Variants in ZNF330 observed in about 807,000 individuals in gnomAD.
ZNF330 encodes the protein zinc finger protein 330.
In ZNF330, 31 loss-of-function variants were observed where a neutral mutation model predicts 45.5. That is an observed-to-expected ratio of 0.68 (90% CI 0.51 to 0.92). ZNF330 has a LOEUF of 0.92. ZNF330 is among the 40% of genes least tolerant of loss of function. The probability of loss-of-function intolerance (pLI) is 0.00; values close to 1 mark genes in which losing one functional copy is unlikely to be tolerated. For synonymous variants in ZNF330, 138 were observed against 123.2 expected, an observed-to-expected ratio of 1.12 and a Z score of -0.79; for missense variants, 356 against 387.4, an observed-to-expected ratio of 0.92 and a Z score of 0.68.
Position 141,224,598 on chromosome 4 carries a change from C to T in ZNF330, c.141-9C>T. 1.9e-6 allele frequency: 3 copies of T among 1,613,036 alleles called. No homozygotes were observed. The highest frequency in any genetic ancestry group is 1.7e-4 in the Middle Eastern group (1 of 6,056). On this transcript the variant is annotated splice_polypyrimidine_tract_variant and intron_variant, in intron 3 of 9. Transcript: ENST00000262990. ...GACCATAATTTAAAATTTTATTTTA[C>T]ATGACAAGGCGGCAGAAGAATAGAG...
Position 141,234,594 on chromosome 4 carries a change from A to T in ZNF330, c.*605A>T, listed in dbSNP as rs1729042000. The T allele has an allele frequency of 6.6e-6, 1 of 152,142 alleles. No individual in the cohort carries two copies. Among genetic ancestry groups the T allele is most frequent in the Non-Finnish European group, 1.5e-5 (1 of 68,008 alleles). The allele number at this position is 152,142 out of a possible 1,614,324, so 9.4% of individuals were successfully genotyped here. ...CCTTAAATGTATTGATAAGGTGACT[A>T]GTTAGCCATTTTTCAGAGATACAGT... On this transcript the variant is annotated 3_prime_UTR_variant, in exon 10 of 10. Transcript: ENST00000262990.
chr4:141,233,949 A>T lies in ZNF330; in HGVS notation c.923A>T (p.Tyr308Phe). 2 of 1,613,672 alleles carry T rather than the reference A, an allele frequency of 1.2e-6. No homozygotes were observed. Among genetic ancestry groups the T allele is most frequent in the Non-Finnish European group, 1.7e-6 (2 of 1,179,706 alleles). The part of the protein sequence containing the change: ...LFTNLNLGRT[Y>F]ASGYAHYEEQ... ...ACTAATTTGAATTTAGGAAGGACCT[A>T]TGCTAGTGGCTATGCTCACTATGAG... is the stretch of plus-strand genomic sequence containing the variant. Residue 308 changes from tyrosine (Y) to phenylalanine (F), a missense_variant, in exon 10 of 10, where the codon TAT (tyrosine) becomes TTT (phenylalanine). Physicochemically the swap from Tyr to Phe is conservative, Grantham distance 22. Coordinates refer to ENST00000262990, the MANE Select transcript of ZNF330 (RefSeq NM_014487.6).
chr4:141,221,672 TCA>T (rs1339684965), intron 1 of ZNF330, among the ~76,000 whole-genome samples: 1 of 152,192 alleles, frequency 6.6e-6, no homozygotes, highest in Non-Finnish European at 1.5e-5. Context: ...TCAGAAAACT[TCA>T]GTTTAGAAAA....
At chr4:141,223,982 GA>G (rs1728743971) in intron 2 of ZNF330, 1 of 307,430 alleles carries the variant, frequency 3.3e-6, no homozygotes, top group Non-Finnish European at 6.4e-6. Flanking sequence ...AGAAGGTTTG[GA>G]AAGTGATTAG....
intron 3 of ZNF330, 45 bp from the exon 4 acceptor site, chr4:141,224,562 T>C (rs774972932): frequency 1.2e-6 from 2 of 1,609,566 alleles, no homozygotes; most frequent in Non-Finnish European, 8.5e-7. Flanking sequence ...TCTGACTTTT[T>C]ATCTGACATT....
chr4:141,229,653 C>G lies in ZNF330; in HGVS notation c.374C>G (p.Thr125Ser). 1 of 1,613,142 alleles carries G rather than the reference C, an allele frequency of 6.2e-7. No individual in the cohort carries two copies. The highest frequency in any genetic ancestry group is 1.3e-5 in the African/African-American group (1 of 74,952). Residue 125 changes from threonine (T) to serine (S), a missense_variant, in exon 6 of 10, where the codon ACC (threonine) becomes AGC (serine). Thr to Ser is a moderately conservative substitution (Grantham distance 58). Transcript: ENST00000262990. Reference protein sequence around the residue: ...LSTHACACPLTDAECVECERG... With the variant: ...LSTHACACPLSDAECVECERG... Reference sequence around the variant, plus strand: ...ACACATGCTTGTGCCTGCCCTCTTACCGATGCTGAGTGTGTTGAATGTGAA... The same window carrying G: ...ACACATGCTTGTGCCTGCCCTCTTAGCGATGCTGAGTGTGTTGAATGTGAA...
rs1728982378 is a variant in ZNF330 at position 141,232,514 on chromosome 4, C to T, written c.571-11C>T. The T allele has an allele frequency of 6.8e-7, 1 of 1,465,206 alleles. No individual in the cohort carries two copies. The allele number at this position is 1,465,206 out of a possible 1,614,324, so 90.8% of individuals were successfully genotyped here. On this transcript the variant is annotated splice_polypyrimidine_tract_variant and intron_variant, in intron 8 of 9. Transcript: ENST00000262990. ...TTTATTTATTTACTTTATTTTGCTT[C>T]TCCTATACAGGCTTGTTTCTGTGAT...
In ZNF330 at chr4:141,234,582, G is replaced by A. The variant is rs1729041702; in HGVS notation, c.*593G>A. ...CTATTATTGATGCCTTAAATGTATT[G>A]ATAAGGTGACTAGTTAGCCATTTTT... On this transcript the variant is annotated 3_prime_UTR_variant, in exon 10 of 10. Transcript: ENST00000262990. 2 of 152,152 alleles carry A rather than the reference G, an allele frequency of 1.3e-5. No individual in the cohort carries two copies. The highest frequency in any genetic ancestry group is 4.1e-4 in the South Asian group (2 of 4,824). The allele number at this position is 152,152 out of a possible 1,614,324, so 9.4% of individuals were successfully genotyped here.
intron 8 of ZNF330, among the ~76,000 whole-genome samples, chr4:141,231,973 A>G (rs1728971268): frequency 6.6e-6 from 1 of 152,048 alleles, no homozygotes. Flanking sequence ...ACTCTGTTCT[A>G]GTTTTACCAA....
rs746308404 is a variant in ZNF330, at chr4:141,224,683, T to G, written c.211+6T>G. 4 of 1,611,024 alleles carry G rather than the reference T, an allele frequency of 2.5e-6. No individual in the cohort carries two copies. The highest frequency in any genetic ancestry group is 3.4e-6 in the Non-Finnish European group (4 of 1,178,280). On this transcript the variant is annotated splice_donor_region_variant and intron_variant, in intron 4 of 9. Transcript: ENST00000262990. Reference sequence around the variant, plus strand: ...ACCAATTTGTGCACAGTGTGGTAAGTTTGTAATAATTAAGGACATATGCTT... The same window carrying G: ...ACCAATTTGTGCACAGTGTGGTAAGGTTGTAATAATTAAGGACATATGCTT...
chr4:141,222,482 T>C lies in ZNF330; in HGVS notation c.111T>C (p.Asn37=). Residue 37 remains asparagine, a synonymous_variant, in exon 2 of 10, where the codon AAT becomes AAC. Transcript: ENST00000262990. ...TAGATTTAGCTAAACATCCATGTAATGCCTCAATGGTATCAGCTTTTTTTG... is the reference window on the plus strand; with the variant it reads ...TAGATTTAGCTAAACATCCATGTAACGCCTCAATGGTATCAGCTTTTTTTG... ...STIDLAKHPC[N]ASMECDKCQR... The C allele has an allele frequency of 1.2e-6, 2 of 1,611,924 alleles. No individual in the cohort carries two copies. Among genetic ancestry groups the C allele is most frequent in the Admixed American group, 1.7e-5 (1 of 59,522 alleles).
At chr4:141,231,389 A>ACC (rs1163213976) in intron 7 of ZNF330, 50 bp from the exon 8 acceptor site, 1 of 1,542,014 alleles carries the variant, frequency 6.5e-7, no homozygotes, top group African/African-American at 1.4e-5. Context: ...GACAAAAGAA[A>ACC]ATTCTAAGAA....
intron 6 of ZNF330, 109 bp downstream of exon 6, chr4:141,229,806 A>G: frequency 2.2e-6 from 3 of 1,361,116 alleles, no homozygotes; most frequent in Non-Finnish European, 3.1e-6. Context: ...AATCCTAACT[A>G]CTGGTACTGT....
chr4:141,231,552 G>A, intron 8 of ZNF330, 67 bp downstream of exon 8: 22 of 1,147,906 alleles, frequency 1.9e-5, no homozygotes, highest in Non-Finnish European at 2.7e-5. Context: ...ACCAGTCCTT[G>A]GCTTATATGC....
chr4:141,231,301 T>C (rs1560788237), intron 7 of ZNF330, 138 bp from the exon 8 acceptor site: 3 of 545,544 alleles, frequency 5.5e-6, no homozygotes, highest in Middle Eastern at 3.6e-4. Flanking sequence ...TTGTGTGTTT[T>C]ATAGCATTTG....
chr4:141,230,844 T>C (rs1048839205), intron 7 of ZNF330, among the ~76,000 whole-genome samples: 2 of 152,152 alleles, frequency 1.3e-5, no homozygotes, highest in Admixed American at 6.6e-5. Context: ...CCAGCATTGC[T>C]GACTGGGTAA....
chr4:141,221,845 TAATA>T (rs1234291502), intron 1 of ZNF330, among the ~76,000 whole-genome samples: 5 of 152,218 alleles, frequency 3.3e-5, no homozygotes, highest in African/African-American at 4.8e-5. Flanking sequence ...ACTTTGTAGT[TAATA>T]AATAGTGTTA....
At chr4:141,233,222 C>T (rs1355520685) in intron 9 of ZNF330, among the ~76,000 whole-genome samples, 2 of 151,970 alleles carry the variant, frequency 1.3e-5, no homozygotes, top group Non-Finnish European at 2.9e-5. Context: ...AAGTGACTGA[C>T]TGCTTTGTTT....
At chr4:141,232,028 T>C (rs1471128467) in intron 8 of ZNF330, among the ~76,000 whole-genome samples, 2 of 152,068 alleles carry the variant, frequency 1.3e-5, no homozygotes, top group African/African-American at 4.8e-5. Context: ...TGGAATACTT[T>C]TCCATCTTGG....
Sources: gnomAD v4.1 joint callset for allele counts (sites outside exome capture counted in the v4.1 genomes callset) on GRCh38, gnomAD v4.1.1 for gene constraint, MANE v1.5 for transcripts, NCBI Gene and HGNC (gene_info 2026-07-23, HGNC 2026-07-21) for gene names.